Variants in CSTF3 observed in about 807,000 individuals in gnomAD.
CSTF3 encodes CF-1 77 kDa subunit.
A neutral mutation model predicts 105.8 loss-of-function variants in CSTF3; 29 were observed. The ratio of observed to expected loss-of-function variants is 0.27; its 90% confidence interval spans 0.20 to 0.37. The LOEUF (loss-of-function observed/expected upper bound fraction) is 0.37. CSTF3 is among the 10% of genes least tolerant of loss of function. The pLI is 1.00. For missense variants in CSTF3, 357 were observed against 879.3 expected, an observed-to-expected ratio of 0.41 and a Z score of 7.51; for synonymous variants, 252 against 281.9, an observed-to-expected ratio of 0.89 and a Z score of 1.06.
chr11:33,135,976 G>C (rs1855649262), intron 3 of CSTF3: 1 of 152,428 alleles, frequency 6.6e-6, no homozygotes, highest in Admixed American at 6.6e-5. Flanking sequence ...CCTTACTACG[G>C]TGCAATGTAC....
chr11:33,093,201 T>C (rs1855186360), intron 15 of CSTF3, among the ~76,000 whole-genome samples: 1 of 152,234 alleles, frequency 6.6e-6, no homozygotes, highest in East Asian at 1.9e-4. Flanking sequence ...TTAAATATAT[T>C]AGACCAAAGA....
chr11:33,129,754 T>G (rs1000115825), intron 3 of CSTF3, among the ~76,000 whole-genome samples: 7 of 152,222 alleles, frequency 4.6e-5, no homozygotes, highest in Admixed American at 4.6e-4. Flanking sequence ...AAACTTTTCT[T>G]CTTACCCATA....
intron 1 of CSTF3, among the ~76,000 whole-genome samples, chr11:33,158,786 G>C (rs1236433850): frequency 1.3e-5 from 2 of 152,132 alleles, no homozygotes; most frequent in Non-Finnish European, 2.9e-5. Flanking sequence ...TACAGATGAA[G>C]GGACAAGTTA....
chr11:33,105,778 A>C, intron 7 of CSTF3, 85 bp from the exon 8 acceptor site: 1 of 1,529,456 alleles, frequency 6.5e-7, no homozygotes, highest in Non-Finnish European at 9.0e-7. Flanking sequence ...TATCTACCCA[A>C]AGAACAACTC....
intron 1 of CSTF3, among the ~76,000 whole-genome samples, chr11:33,150,641 G>C (rs1855848279): frequency 6.6e-6 from 1 of 152,172 alleles, no homozygotes; most frequent in South Asian, 2.1e-4. Context: ...TGGATCACTT[G>C]AGCTCAGGAG....
At chr11:33,138,721 A>G (rs1202569705) in intron 3 of CSTF3, among the ~76,000 whole-genome samples, 4 of 151,892 alleles carry the variant, frequency 2.6e-5, no homozygotes, top group African/African-American at 9.7e-5. Flanking sequence ...TGACTTGCTC[A>G]TCTTATAATA....
At chr11:33,144,868 A>G (rs1855761353) in intron 1 of CSTF3, 1 of 251,154 alleles carries the variant, frequency 4.0e-6, no homozygotes, top group Non-Finnish European at 8.0e-6. Context: ...AGTCTCACGT[A>G]CTTGGGAAGC....
chr11:33,086,547 C>T (rs1489857795), intron 18 of CSTF3, among the ~76,000 whole-genome samples: 1 of 152,014 alleles, frequency 6.6e-6, no homozygotes, highest in Non-Finnish European at 1.5e-5. Flanking sequence ...AAGTGATTCT[C>T]CTGCCTCAGC....
intron 8 of CSTF3, among the ~76,000 whole-genome samples, chr11:33,104,399 C>T (rs1193248911): frequency 1.3e-5 from 2 of 152,146 alleles, no homozygotes; most frequent in Admixed American, 6.5e-5. Context: ...TTTTCTATTA[C>T]ACTAGATATG....
intron 3 of CSTF3, among the ~76,000 whole-genome samples, chr11:33,121,438 A>C (rs1335490220): frequency 6.6e-6 from 1 of 152,178 alleles, no homozygotes; most frequent in Non-Finnish European, 1.5e-5. Context: ...GCCACATTTA[A>C]AGGCTTAACG....
At chr11:33,085,314 T>A in intron 20 of CSTF3, 25 bp from the exon 21 acceptor site, 2 of 1,503,970 alleles carry the variant, frequency 1.3e-6, no homozygotes, top group Non-Finnish European at 1.8e-6. Context: ...CAACAAAACG[T>A]AAAAACATAT....
chr11:33,139,391 T>G (rs762624615), intron 3 of CSTF3, among the ~76,000 whole-genome samples: 24 of 152,024 alleles, frequency 1.6e-4, no homozygotes, highest in Non-Finnish European at 2.9e-4. Flanking sequence ...CAGAATGTTA[T>G]GTAAACACTT....
Position 33,161,394 on chromosome 11 carries a change from A to C in CSTF3, c.-69T>G. 1 of 1,563,872 alleles carries C rather than the reference A, an allele frequency of 6.4e-7. No homozygotes were observed. The highest frequency in any genetic ancestry group is 8.7e-7 in the Non-Finnish European group (1 of 1,144,046). ...GCTAGAAAAGAAAAATTAAACTAAAAACCACCCCCAAATCAGTAAAGTTAC... is the reference window on the plus strand; with the variant it reads ...GCTAGAAAAGAAAAATTAAACTAAACACCACCCCCAAATCAGTAAAGTTAC... On this transcript the variant is annotated 5_prime_UTR_variant, in exon 1 of 21. Transcript: ENST00000323959.
intron 3 of CSTF3, among the ~76,000 whole-genome samples, chr11:33,118,102 GAGAA>G (rs1425548441): frequency 6.8e-6 from 1 of 147,680 alleles, no homozygotes; most frequent in Non-Finnish European, 1.5e-5. Flanking sequence ...TTTTTAATAA[GAGAA>G]AGAAAATTAC....
At position 33,099,624 on chromosome 11, in the gene CSTF3, A is replaced by C; in HGVS notation, c.920T>G (p.Leu307Arg). ...AAQYLEQSSK[L>R]LAEKGDMNNA... Reference sequence around the variant, plus strand: ...AACACTTACTCCCTTTTCTGCGAGCAGTTTACTTGACTGCTCAAGATACTG... The same window carrying C: ...AACACTTACTCCCTTTTCTGCGAGCCGTTTACTTGACTGCTCAAGATACTG... Residue 307 changes from leucine (L) to arginine (R), a missense_variant, in exon 11 of 21, where the codon CTG (leucine) becomes CGG (arginine). Leu to Arg is a moderately radical substitution (Grantham distance 102). This residue lies in a region of CSTF3 where 206 missense variants were observed against 576.5 expected (regional missense o/e 0.36). Coordinates refer to ENST00000323959, the MANE Select transcript of CSTF3 (RefSeq NM_001326.3). The surrounding 1 kb of genome is among the most constrained non-coding windows in gnomAD (Gnocchi z 4.1). 1.2e-6 allele frequency: 2 copies of C among 1,606,512 alleles called. No individual in the cohort carries two copies. Among genetic ancestry groups the C allele is most frequent in the Admixed American group, 1.7e-5 (1 of 58,242 alleles).
chr11:33,100,302 T>G (rs1590265690), intron 10 of CSTF3, among the ~76,000 whole-genome samples: 1 of 142,842 alleles, frequency 7.0e-6, no homozygotes, highest in Non-Finnish European at 1.5e-5. Flanking sequence ...TTGCAGTGAG[T>G]GGAGATCACG....
intron 3 of CSTF3, among the ~76,000 whole-genome samples, chr11:33,134,097 T>C (rs1158023621): frequency 6.6e-6 from 1 of 152,222 alleles, no homozygotes; most frequent in Non-Finnish European, 1.5e-5. Flanking sequence ...AAAGATTCAG[T>C]AAAGCACTTA....
chr11:33,102,180 T>G lies in CSTF3; in HGVS notation c.823A>C (p.Arg275=). 1 of 1,613,270 alleles carries G rather than the reference T, an allele frequency of 6.2e-7. No individual in the cohort carries two copies. The highest frequency in any genetic ancestry group is 8.5e-7 in the Non-Finnish European group (1 of 1,179,578). The stretch of plus-strand genomic sequence containing the variant: ...CCATGAGGGTTAATCATGTTACCTC[T>G]TTTTGTTATAAGGGTCTGATCCTCT... ...RTEDQTLITK[R]VMFAYEQCLL... Residue 275 remains arginine, a synonymous_variant, in exon 10 of 21, where the codon AGA becomes CGA. Transcript: ENST00000323959.
At chr11:33,088,005 CCT>C (rs1855125112) in intron 17 of CSTF3, among the ~76,000 whole-genome samples, 1 of 152,212 alleles carries the variant, frequency 6.6e-6, no homozygotes, top group South Asian at 2.1e-4. Flanking sequence ...CAAAAGAACC[CCT>C]TTTTGCCGCC....
Sources: gnomAD v4.1 joint callset for allele counts (sites outside exome capture counted in the v4.1 genomes callset) on GRCh38, gnomAD v4.1.1 for gene constraint, gnomAD v4.1.1 regional missense constraint, Gnocchi (gnomAD v3.1) non-coding constraint, MANE v1.5 for transcripts, NCBI Gene and HGNC (gene_info 2026-07-23, HGNC 2026-07-21) for gene names.